Variants in NPRL3 observed in about 807,000 individuals in gnomAD.
NPRL3 encodes the protein GATOR1 complex protein NPRL3.
In NPRL3, 23 loss-of-function variants were observed where a neutral mutation model predicts 57.2. The observed-to-expected ratio is 0.40, with a 90% confidence interval of 0.29 to 0.57. The LOEUF (loss-of-function observed/expected upper bound fraction) is 0.57. NPRL3 is among the 20% of genes least tolerant of loss of function. The probability of loss-of-function intolerance (pLI) is 0.42; values close to 1 mark genes in which losing one functional copy is unlikely to be tolerated. For missense variants in NPRL3, 691 were observed against 767.1 expected (o/e 0.90, Z 1.17); for synonymous variants, 333 against 321.1 (o/e 1.04, Z -0.39).
intron 11 of NPRL3, chr16:90,207 A>G (rs934594934): frequency 5.2e-6 from 2 of 381,890 alleles, no homozygotes; most frequent in South Asian, 6.4e-5. Context: ...GGCCCCTGTG[A>G]CTGCTTCGCT....
At chr16:99,537 G>C (rs1435753117) in intron 8 of NPRL3, among the ~76,000 whole-genome samples, 1 of 151,466 alleles carries the variant, frequency 6.6e-6, no homozygotes, top group Non-Finnish European at 1.5e-5. Context: ...CAGCTACTCA[G>C]GGGGCTGAGG....
chr16:108,422 A>G (rs1438588715), intron 7 of NPRL3, among the ~76,000 whole-genome samples: 1 of 152,034 alleles, frequency 6.6e-6, no homozygotes, highest in African/African-American at 2.4e-5. Context: ...TGCTGGTGGG[A>G]CAGAGGTACA....
chr16:100,661 A>G (rs1040562240), intron 7 of NPRL3, among the ~76,000 whole-genome samples, 152 bp from the exon 8 acceptor site: 1 of 151,150 alleles, frequency 6.6e-6, no homozygotes, highest in African/African-American at 2.4e-5. Context: ...TTAAGATCAC[A>G]TTATGTTTAA....
intron 3 of NPRL3, among the ~76,000 whole-genome samples, chr16:122,438 A>G (rs1900324574): frequency 6.6e-6 from 1 of 152,218 alleles, no homozygotes; most frequent in South Asian, 2.1e-4. Context: ...TGTAATACAC[A>G]TAAAGACAGA....
At chr16:107,219 C>T (rs1340282769) in intron 7 of NPRL3, among the ~76,000 whole-genome samples, 1 of 152,170 alleles carries the variant, frequency 6.6e-6, no homozygotes, top group Non-Finnish European at 1.5e-5. Context: ...CTAGGTGGCG[C>T]TGGGTTGCCT....
intron 12 of NPRL3, 160 bp downstream of exon 12, chr16:89,553 A>G (rs1325807945): frequency 3.2e-6 from 2 of 620,708 alleles, no homozygotes; most frequent in East Asian, 3.4e-5. Flanking sequence ...GTGCTAGGAG[A>G]CAGGAGAGGT....
At chr16:88,939 A>AG (rs1371259722) in intron 12 of NPRL3, 49 bp from the exon 13 acceptor site, 1 of 1,562,746 alleles carries the variant, frequency 6.4e-7, no homozygotes, top group South Asian at 1.1e-5. Context: ...CAGGACACCC[A>AG]GGGGAACAGC....
chr16:130,460 G>A (rs1900736575), intron 3 of NPRL3, 62 bp downstream of exon 3: 2 of 1,479,924 alleles, frequency 1.4e-6, no homozygotes, highest in South Asian at 2.4e-5. Context: ...TAGGAGGGTG[G>A]GGCTTTGCCC....
Position 95,340 on chromosome 16 carries a change from T to TAC in NPRL3, c.925-2016_925-2015insGT, listed in dbSNP as rs1249496882. Among the ~76,000 whole-genome samples, 22 of 55,060 alleles carry TAC rather than the reference T, an allele frequency of 4.0e-4. 1 individual carries two copies. The highest frequency in any genetic ancestry group is 2.1e-3 in the South Asian group (2 of 956). The allele number at this position is 55,060 out of a possible 152,430, so 36.1% of individuals were successfully genotyped here. A position where few individuals can be genotyped will look rare whatever the true frequency, so the allele number is the denominator to read the frequency against. ...GTTTGTGTGTGTATATATATATATA[T>TAC]ATATATATATACACACACACACACA... On this transcript the variant is annotated intron_variant, in intron 9 of 13. Transcript: ENST00000611875.
At chr16:123,910 C>G (rs1439254948) in intron 3 of NPRL3, among the ~76,000 whole-genome samples, 2 of 49,318 alleles carry the variant, frequency 4.1e-5, no homozygotes, top group Admixed American at 2.2e-4. Flanking sequence ...ACTCCCCACG[C>G]TGAGAAACAG....
At chr16:113,733 T>TC (rs1357394570) in intron 5 of NPRL3, among the ~76,000 whole-genome samples, 1 of 152,014 alleles carries the variant, frequency 6.6e-6, no homozygotes, top group Non-Finnish European at 1.5e-5. Context: ...TGGTGCTGCC[T>TC]CCCCCTCCTG....
intron 13 of NPRL3, among the ~76,000 whole-genome samples, chr16:87,294 C>G (rs549638968): frequency 6.6e-6 from 1 of 152,014 alleles, no homozygotes; most frequent in East Asian, 1.9e-4. Flanking sequence ...TGCAGTGGCT[C>G]GATCTCAGCT....
rs748238757 is a variant in NPRL3 at position 86,784 on chromosome 16, A to G, written c.1631T>C (p.Phe544Ser). ...NTRRSQLLMLFDKFRSVLVVT... is the reference protein window; with the variant it reads ...NTRRSQLLMLSDKFRSVLVVT... ...CACCAGCACGCTGCGGAACTTGTCA[A>G]ACAGCATGAGCAGCTGGGAGCGCCG... is the stretch of plus-strand genomic sequence containing the variant. Residue 544 changes from phenylalanine to serine, a missense_variant, in exon 14 of 14, where the codon TTT (phenylalanine) becomes TCT (serine). Physicochemically the swap from Phe to Ser is radical, Grantham distance 155 (BLOSUM62 -2). Coordinates refer to ENST00000611875, the MANE Select transcript of NPRL3 (RefSeq NM_001077350.3). 2.5e-6 allele frequency: 4 copies of G among 1,608,668 alleles called. No individual in the cohort carries two copies. Among genetic ancestry groups the G allele is most frequent in the Non-Finnish European group, 3.4e-6 (4 of 1,177,780 alleles).
At chr16:92,425 G>A (rs1898799107) in intron 11 of NPRL3, among the ~76,000 whole-genome samples, 171 bp downstream of exon 11, 1 of 152,162 alleles carries the variant, frequency 6.6e-6, no homozygotes, top group Non-Finnish European at 1.5e-5. Flanking sequence ...TGGCCCGGCA[G>A]CTGACTTTTG....
At chr16:88,606 TG>T in intron 13 of NPRL3, 91 bp downstream of exon 13, 1 of 1,147,978 alleles carries the variant, frequency 8.7e-7, no homozygotes, top group Non-Finnish European at 1.2e-6. Flanking sequence ...CTGTTCTCAG[TG>T]GATTTGGTGG....
rs1287378938 is a variant in NPRL3, at chr16:93,569, T to G, written c.925-244A>C. ...AGCACTTTCTGTGAGCAATGGTTTT[T>G]TTTTTTTTTTTTTTGGAGACAGTCT... On this transcript the variant is annotated intron_variant, in intron 9 of 13. Coordinates refer to ENST00000611875, the MANE Select transcript of NPRL3 (RefSeq NM_001077350.3). Among the ~76,000 whole-genome samples the G allele has an allele frequency of 1.1e-4, 17 of 149,172 alleles. No individual in the cohort carries two copies. In the East Asian group the frequency reaches 3.1e-3, roughly 27 times the overall value.
rs1056727884 is a variant in NPRL3, at chr16:126,559, G to A, written c.188+3963C>T. 5.9e-5 allele frequency among the ~76,000 whole-genome samples: 9 copies of A among 152,152 alleles called. No individual in the cohort carries two copies. The East Asian group carries it at 7.7e-4, about 13-fold the overall frequency. On this transcript the variant is annotated intron_variant, in intron 3 of 13. Transcript: ENST00000611875. ...TGAGGTAGTGGCCTAAGCACTGCTC[G>A]CAGTTTCAAAGAAGGGAGCAGGAAG...
rs534859796 is a variant in NPRL3 at position 85,465 on chromosome 16, G to A, written c.*1240C>T. Reference sequence around the variant, plus strand: ...TGGAAGGTCTGGAGACCATGCGTCAGCTTCGCAGCACCCTCCGGAAAGGCA... The same window carrying A: ...TGGAAGGTCTGGAGACCATGCGTCAACTTCGCAGCACCCTCCGGAAAGGCA... On this transcript the variant is annotated 3_prime_UTR_variant, in exon 14 of 14. Coordinates refer to ENST00000611875, the MANE Select transcript of NPRL3 (RefSeq NM_001077350.3). 6 of 1,613,082 alleles carry A rather than the reference G, an allele frequency of 3.7e-6. No homozygotes were observed. The South Asian group carries it at 5.5e-5, about 15-fold the overall frequency.
chr16:105,126 G>C (rs1243338506), intron 7 of NPRL3, among the ~76,000 whole-genome samples: 1 of 152,170 alleles, frequency 6.6e-6, no homozygotes, highest in Non-Finnish European at 1.5e-5. Flanking sequence ...CCAGCCAAGA[G>C]GGCCCAGCCC....
Sources: gnomAD v4.1 joint callset for allele counts (sites outside exome capture counted in the v4.1 genomes callset) on GRCh38, gnomAD v4.1.1 for gene constraint, MANE v1.5 for transcripts, NCBI Gene and HGNC (gene_info 2026-07-23, HGNC 2026-07-21) for gene names.